The following STK3 variants were observed in gnomAD, a reference collection of about 807,000 sequenced individuals.
STK3 encodes the protein serine/threonine-protein kinase 3.
In STK3, 41 loss-of-function variants were observed where a neutral mutation model predicts 58.0. The observed-to-expected ratio is 0.71, with a 90% confidence interval of 0.55 to 0.92. STK3 has a LOEUF of 0.92. Among genes scored for constraint, STK3 ranks in the 40% least tolerant of loss-of-function variants. The pLI is 0.00. For missense variants in STK3, 479 were observed against 602.7 expected, an observed-to-expected ratio of 0.79 and a Z score of 2.15; for synonymous variants, 170 against 191.0, an observed-to-expected ratio of 0.89 and a Z score of 0.91.
At chr8:98,823,683 T>A (rs1157904752) in intron 1 of STK3, among the ~76,000 whole-genome samples, 1 of 152,220 alleles carries the variant, frequency 6.6e-6, no homozygotes, top group Non-Finnish European at 1.5e-5. Context: ...GTCCCCATTA[T>A]CTTTTGTTGT....
At position 98,428,015 on chromosome 8, in the gene STK3, T is replaced by G; in HGVS notation, n.483+6112A>C. On this transcript the variant is annotated intron_variant and non_coding_transcript_variant, in intron 3 of 3. Transcript: ENST00000517832. The surrounding 1 kb of genome is among the most constrained non-coding windows in gnomAD (Gnocchi z 6.7). ...AGAGCCTGTGGGACGTGTCGGAGGC[T>G]AACGTCGAGGACGGGGAGATCCGCA... The G allele has an allele frequency of 2.5e-6, 4 of 1,593,838 alleles. No homozygotes were observed. The highest frequency in any genetic ancestry group is 3.4e-6 in the Non-Finnish European group (4 of 1,169,356).
chr8:98,907,573 G>A (rs750817309), intron 1 of STK3, among the ~76,000 whole-genome samples: 8 of 152,108 alleles, frequency 5.3e-5, no homozygotes, highest in African/African-American at 1.7e-4. Context: ...CCAATGTTTC[G>A]TTCATAATCC....
chr8:98,865,493 A>G (rs983204117), intron 3 of STK3, among the ~76,000 whole-genome samples: 1 of 152,080 alleles, frequency 6.6e-6, no homozygotes, highest in Non-Finnish European at 1.5e-5. Context: ...CAGCCTCCCA[A>G]GTAGCTAGAA....
chr8:98,430,478 T>G (rs1162701880), intron 3 of STK3: 1 of 167,128 alleles, frequency 6.0e-6, no homozygotes, highest in Non-Finnish European at 1.5e-5. Context: ...GCTTAAATAC[T>G]TTTGTTGCCT....
chr8:98,592,155 A>G (rs1815370779), intron 7 of STK3, among the ~76,000 whole-genome samples: 1 of 152,202 alleles, frequency 6.6e-6, no homozygotes, highest in South Asian at 2.1e-4. Context: ...TATGTAAGTA[A>G]GGTGGCTCTC....
At chr8:98,630,724 G>GAGGAGAAGAAGGAGAAGA (rs992071504) in intron 6 of STK3, among the ~76,000 whole-genome samples, 1 of 146,850 alleles carries the variant, frequency 6.8e-6, no homozygotes, top group Non-Finnish European at 1.5e-5. Context: ...GGAGGAGAAG[G>GAGGAGAAGAAGGAGAAGA]AGGAGAAGAA....
At chr8:98,480,724 T>C (rs1821781023) in intron 10 of STK3, among the ~76,000 whole-genome samples, 1 of 152,230 alleles carries the variant, frequency 6.6e-6, no homozygotes, top group Non-Finnish European at 1.5e-5. Flanking sequence ...AACCTTGGTA[T>C]GCTGTACACG....
At chr8:98,419,227 G>C (rs1043200776) in intron 3 of STK3, among the ~76,000 whole-genome samples, 4 of 152,148 alleles carry the variant, frequency 2.6e-5, no homozygotes, top group South Asian at 2.1e-4. Flanking sequence ...TGGGCGTGGT[G>C]GTGGGCACAT....
chr8:98,749,385 T>C lies in STK3; in HGVS notation c.242A>G (p.Tyr81Cys). Residue 81 changes from tyrosine (Y) to cysteine (C), a missense_variant, in exon 4 of 11, where the codon TAT becomes TGT. By Grantham distance (194) the Tyr-to-Cys change is radical (BLOSUM62 -2). This residue lies in a region of STK3 where 126 missense variants were observed against 210.1 expected (regional missense o/e 0.60). Transcript: ENST00000419617. ...ISIMQQCDSPYVVKYYGSYFK... is the reference protein window; with the variant it reads ...ISIMQQCDSPCVVKYYGSYFK... Reference sequence around the variant, plus strand: ...ATAACTGCCATAGTACTTTACAACATATGGGCTAAAGGAAAATACATAAAC... The same window carrying C: ...ATAACTGCCATAGTACTTTACAACACATGGGCTAAAGGAAAATACATAAAC... 2 of 1,542,212 alleles carry C rather than the reference T, an allele frequency of 1.3e-6. No individual in the cohort carries two copies. The highest frequency in any genetic ancestry group is 1.8e-6 in the Non-Finnish European group (2 of 1,136,402).
intron 9 of STK3, among the ~76,000 whole-genome samples, chr8:98,536,062 C>A (rs980278495): frequency 6.6e-6 from 1 of 152,118 alleles, no homozygotes; most frequent in African/African-American, 2.4e-5. Context: ...AAATTTCATT[C>A]CAGGAATCTA....
intron 1 of STK3, among the ~76,000 whole-genome samples, chr8:98,796,307 T>C (rs764866767): frequency 6.6e-6 from 1 of 152,112 alleles, no homozygotes; most frequent in Non-Finnish European, 1.5e-5. Context: ...CATAGACCAA[T>C]GGAACTGAAA....
At chr8:98,413,457 C>T in intron 3 of STK3, 3 of 587,418 alleles carry the variant, frequency 5.1e-6, no homozygotes, top group South Asian at 2.8e-5. Context: ...GTGTACTGTT[C>T]TGTAACTGCT....
At chr8:98,647,289 C>A (rs1354449544) in intron 6 of STK3, among the ~76,000 whole-genome samples, 2 of 152,180 alleles carry the variant, frequency 1.3e-5, no homozygotes, top group Non-Finnish European at 2.9e-5. Context: ...ACAAATTTGT[C>A]CACCAAAACT....
At chr8:98,378,698 A>G (rs1817701184) in intron 2 of STK3, among the ~76,000 whole-genome samples, 1 of 152,080 alleles carries the variant, frequency 6.6e-6, no homozygotes, top group Non-Finnish European at 1.5e-5. Context: ...CATCATGATT[A>G]TTATTAATTT....
At chr8:98,699,685 T>G (rs908797829) in intron 6 of STK3, among the ~76,000 whole-genome samples, 3 of 152,212 alleles carry the variant, frequency 2.0e-5, no homozygotes, top group Non-Finnish European at 4.4e-5. Flanking sequence ...CGGATTTTCA[T>G]GAACCGCGAA....
At chr8:98,936,758 T>C (rs1249191588) in intron 1 of STK3, among the ~76,000 whole-genome samples, 1 of 152,198 alleles carries the variant, frequency 6.6e-6, no homozygotes, top group Admixed American at 6.5e-5. Context: ...AGTGTACTTT[T>C]CCAGGAAAAG....
At chr8:98,940,049 T>G (rs924029718) in intron 1 of STK3, among the ~76,000 whole-genome samples, 1 of 152,248 alleles carries the variant, frequency 6.6e-6, no homozygotes, top group Non-Finnish European at 1.5e-5. Context: ...CGAGGCAAAC[T>G]GCAGGAGATC....
intron 3 of STK3, among the ~76,000 whole-genome samples, chr8:98,404,182 C>A (rs1335792669): frequency 1.3e-5 from 2 of 152,220 alleles, no homozygotes; most frequent in Admixed American, 6.5e-5. Context: ...AAACTATATG[C>A]TGTCTCTCAG....
At chr8:98,895,691 T>C (rs1838418122) in intron 1 of STK3, among the ~76,000 whole-genome samples, 1 of 151,964 alleles carries the variant, frequency 6.6e-6, no homozygotes, top group Admixed American at 6.5e-5. Flanking sequence ...GGGTGCTGAG[T>C]GGAGAGGGGG....
Sources: allele counts gnomAD v4.1 joint callset (sites outside exome capture counted in the v4.1 genomes callset), GRCh38; gene constraint gnomAD v4.1.1; regional missense constraint gnomAD v4.1.1; non-coding constraint Gnocchi (gnomAD v3.1); transcripts MANE v1.5; gene names NCBI Gene and HGNC (gene_info 2026-07-23, HGNC 2026-07-21).